The following GPC5 variants were observed in gnomAD, a reference collection of about 807,000 sequenced individuals.
GPC5 encodes the protein glypican 5, also known as glypican-5.
GPC5 carries 47 observed loss-of-function variants against 53.9 expected under a neutral mutation model. The ratio of observed to expected loss-of-function variants is 0.87; its 90% CI spans 0.69 to 1.11. GPC5 has a LOEUF of 1.11. Ranked by LOEUF, GPC5 falls within the 50% of genes most tolerant of loss-of-function variation. The probability of loss-of-function intolerance (pLI) is 0.00; values close to 1 mark genes in which losing one functional copy is unlikely to be tolerated. For missense variants in GPC5, 748 were observed against 713.1 expected, an observed-to-expected ratio of 1.05 and a Z score of -0.56; for synonymous variants, 286 against 263.3, an observed-to-expected ratio of 1.09 and a Z score of -0.84.
intron 7 of GPC5, among the ~76,000 whole-genome samples, chr13:92,246,043 C>A (rs1440754772): frequency 6.7e-6 from 1 of 150,238 alleles, no homozygotes; most frequent in South Asian, 2.1e-4. Flanking sequence ...AAAAAATCAT[C>A]GTATCACCCA....
intron 2 of GPC5, among the ~76,000 whole-genome samples, chr13:91,603,958 T>TA (rs1323590984): frequency 2.6e-5 from 4 of 152,098 alleles, no homozygotes; most frequent in Non-Finnish European, 5.9e-5. Flanking sequence ...AGTTTTTTTT[T>TA]TTATTATTAT....
chr13:91,667,768 C>A (rs1298747238), intron 2 of GPC5, among the ~76,000 whole-genome samples: 5 of 152,144 alleles, frequency 3.3e-5, no homozygotes, highest in African/African-American at 1.2e-4. Context: ...AGGGCACATG[C>A]CCAGTGATTC....
chr13:92,554,565 A>G (rs1290416609), intron 7 of GPC5, among the ~76,000 whole-genome samples: 1 of 151,566 alleles, frequency 6.6e-6, no homozygotes, highest in Non-Finnish European at 1.5e-5. Flanking sequence ...TAATGAAACA[A>G]AAATTCATCC....
chr13:91,678,858 G>A (rs2035443804), intron 2 of GPC5, among the ~76,000 whole-genome samples: 1 of 151,954 alleles, frequency 6.6e-6, no homozygotes, highest in Non-Finnish European at 1.5e-5. Context: ...GGTTGAGAAT[G>A]CCATGTACTA....
intron 5 of GPC5, among the ~76,000 whole-genome samples, chr13:91,872,494 G>A (rs1272530140): frequency 6.6e-6 from 1 of 152,094 alleles, no homozygotes; most frequent in Non-Finnish European, 1.5e-5. Flanking sequence ...TTGTCAGAAA[G>A]ATGGTTATAG....
chr13:92,530,487 AT>A (rs753116091), intron 7 of GPC5, among the ~76,000 whole-genome samples: 4 of 151,330 alleles, frequency 2.6e-5, no homozygotes, highest in East Asian at 1.9e-4. Flanking sequence ...TTTTGTTTTT[AT>A]TTTTTTTTCC....
At chr13:92,468,778 T>C (rs1878799741) in intron 7 of GPC5, among the ~76,000 whole-genome samples, 1 of 152,132 alleles carries the variant, frequency 6.6e-6, no homozygotes, top group African/African-American at 2.4e-5. Flanking sequence ...ACCCTTGCAA[T>C]CATGCTCTAG....
intron 6 of GPC5, among the ~76,000 whole-genome samples, chr13:91,959,670 T>G (rs1392126674): frequency 6.6e-6 from 1 of 151,858 alleles, no homozygotes; most frequent in Non-Finnish European, 1.5e-5. Flanking sequence ...CTAAATTCCA[T>G]AGCACATCAA....
chr13:92,348,935 G>A (rs2043451218), intron 7 of GPC5, among the ~76,000 whole-genome samples: 1 of 151,940 alleles, frequency 6.6e-6, no homozygotes, highest in South Asian at 2.1e-4. Flanking sequence ...GTTCTAAGAG[G>A]AACGTTTATA....
chr13:91,470,282 A>G (rs1045554990), intron 2 of GPC5, among the ~76,000 whole-genome samples: 2 of 152,166 alleles, frequency 1.3e-5, no homozygotes, highest in African/African-American at 4.8e-5. Flanking sequence ...ACAGCTCTCT[A>G]CAAGGCCTGT....
intron 7 of GPC5, among the ~76,000 whole-genome samples, chr13:92,515,313 G>A (rs774666741): frequency 3.3e-5 from 5 of 152,138 alleles, no homozygotes; most frequent in Non-Finnish European, 7.3e-5. Flanking sequence ...TACCAAGATG[G>A]GAGCAGCATT....
chr13:92,310,190 G>A (rs1173276354), intron 7 of GPC5, among the ~76,000 whole-genome samples: 2 of 152,076 alleles, frequency 1.3e-5, no homozygotes, highest in Middle Eastern at 3.4e-3. Context: ...GATGGACACA[G>A]GTTGATTCCT....
chr13:92,161,118 A>G (rs376602076), intron 7 of GPC5, among the ~76,000 whole-genome samples: 8 of 150,768 alleles, frequency 5.3e-5, no homozygotes, highest in African/African-American at 1.7e-4. Context: ...GCATCTTTTT[A>G]TCTGTCTATA....
At chr13:92,745,160 G>A (rs1775010760) in intron 7 of GPC5, among the ~76,000 whole-genome samples, 1 of 151,846 alleles carries the variant, frequency 6.6e-6, no homozygotes, top group South Asian at 2.1e-4. Flanking sequence ...TTATATACAT[G>A]GGAAAATTTG....
chr13:91,569,308 A>G (rs1176781141), intron 2 of GPC5, among the ~76,000 whole-genome samples: 2 of 152,140 alleles, frequency 1.3e-5, no homozygotes, highest in Non-Finnish European at 2.9e-5. Flanking sequence ...AAAATATCAT[A>G]CCCAAGATAA....
intron 5 of GPC5, among the ~76,000 whole-genome samples, chr13:91,893,763 T>G (rs2039412810): frequency 6.6e-6 from 1 of 152,106 alleles, no homozygotes; most frequent in Non-Finnish European, 1.5e-5. Context: ...CTTTCTCCCC[T>G]ACCTCCTTTT....
intron 7 of GPC5, among the ~76,000 whole-genome samples, chr13:92,282,812 T>C (rs1047645232): frequency 6.6e-6 from 1 of 152,148 alleles, no homozygotes; most frequent in Non-Finnish European, 1.5e-5. Flanking sequence ...AGACCATCGA[T>C]GCTAGGAAAA....
chr13:92,307,783 A>G (rs1012252435), intron 7 of GPC5, among the ~76,000 whole-genome samples: 2 of 152,246 alleles, frequency 1.3e-5, no homozygotes, highest in Non-Finnish European at 2.9e-5. Context: ...ACACATACAG[A>G]AAATCTAAAA....
intron 7 of GPC5, among the ~76,000 whole-genome samples, chr13:92,494,577 T>C (rs923509361): frequency 2.6e-5 from 4 of 152,214 alleles, no homozygotes; most frequent in African/African-American, 9.6e-5. Context: ...ATATAAATCG[T>C]ATATATGAAG....
Sources: allele counts gnomAD v4.1 joint callset (sites outside exome capture counted in the v4.1 genomes callset), GRCh38; gene constraint gnomAD v4.1.1; transcripts MANE v1.5; gene names NCBI Gene and HGNC (gene_info 2026-07-23, HGNC 2026-07-21).